The following TRPM2 variants were observed in gnomAD, a reference collection of about 807,000 sequenced individuals.
The protein encoded by TRPM2 is estrogen-responsive element-associated gene 1 protein.
Under a neutral mutation model 174.0 loss-of-function variants are expected in TRPM2, and 161 were observed. That is an observed-to-expected ratio of 0.93 (90% CI 0.81 to 1.05). TRPM2 has a LOEUF of 1.05. Among genes scored for constraint, TRPM2 ranks in the 50% least tolerant of loss-of-function variants. The pLI is 0.00. For synonymous variants in TRPM2, 954 were observed against 861.3 expected, an observed-to-expected ratio of 1.11 and a Z score of -1.88; for missense variants, 2,057 against 2,038.0, an observed-to-expected ratio of 1.01 and a Z score of -0.18.
chr21:44,426,585 C>G (rs2050787745), intron 25 of TRPM2, 75 bp from the exon 26 acceptor site: 1 of 1,481,928 alleles, frequency 6.7e-7, no homozygotes. Context: ...GCTGAGCAGC[C>G]CTTTCACCCT....
intron 9 of TRPM2, among the ~76,000 whole-genome samples, chr21:44,386,576 T>G (rs2049023347): frequency 1.3e-5 from 2 of 152,116 alleles, no homozygotes; most frequent in South Asian, 4.1e-4. Flanking sequence ...TGTAAAACAT[T>G]GCTGAAAGAA....
chr21:44,380,840 T>A (rs536873324), intron 8 of TRPM2, among the ~76,000 whole-genome samples: 1 of 152,328 alleles, frequency 6.6e-6, no homozygotes, highest in Admixed American at 6.5e-5. Context: ...GTAGGGGTAC[T>A]GAGTGCTCGA....
chr21:44,351,709 C>T (rs116478750), upstream of TRPM2, among the ~76,000 whole-genome samples: 358 of 152,320 alleles, frequency 2.4e-3, no homozygotes, highest in African/African-American at 8.4e-3. Context: ...CTGAGGCACC[C>T]GTCCTGTTGG....
chr21:44,396,616 C>A (rs1488608024), intron 12 of TRPM2, among the ~76,000 whole-genome samples: 1 of 14,410 alleles, frequency 6.9e-5, no homozygotes, highest in Non-Finnish European at 1.3e-4. Context: ...GTTGTGGAGG[C>A]TGTGGAGGGG....
At position 44,399,900 on chromosome 21, in the gene TRPM2, G is replaced by A. The variant is rs923776303; in HGVS notation, c.2209-359G>A. Among the ~76,000 whole-genome samples, 4 of 152,128 alleles carry A rather than the reference G, an allele frequency of 2.6e-5. No homozygotes were observed. The highest frequency in any genetic ancestry group is 1.9e-4 in the East Asian group (1 of 5,190). ...CTTGCACGCTGGGCTTCCTTGGAGC[G>A]CCGAGCTATTGCCAAGTCCATGAGC... On this transcript the variant is annotated intron_variant, in intron 14 of 31. Transcript: ENST00000397928. The surrounding 1 kb of genome is among the most constrained non-coding windows in gnomAD (Gnocchi z 4.6).
intron 19 of TRPM2, among the ~76,000 whole-genome samples, chr21:44,408,946 GCC>G: frequency 6.6e-6 from 1 of 152,162 alleles, no homozygotes; most frequent in South Asian, 2.1e-4. Flanking sequence ...ATAAGCCACT[GCC>G]CCCAGCCATC....
At position 44,424,872 on chromosome 21, in the gene TRPM2, C is replaced by T. The variant is rs1310715717; in HGVS notation, c.3570C>T (p.Ala1190=). 4 of 1,606,876 alleles carry T rather than the reference C, an allele frequency of 2.5e-6. No homozygotes were observed. The highest frequency in any genetic ancestry group is 1.8e-4 in the Middle Eastern group (1 of 5,436). Residue 1190 remains alanine, a synonymous_variant, in exon 24 of 32, where the codon GCC becomes GCT. Transcript: ENST00000397928. ...TCCAGGTGGCCCAGACAGCCCAAGCCCTGCACTGGATCGTGAGGACGCTGC... is the reference window on the plus strand; with the variant it reads ...TCCAGGTGGCCCAGACAGCCCAAGCTCTGCACTGGATCGTGAGGACGCTGC... The part of the protein sequence containing the change: ...LEEQVAQTAQ[A]LHWIVRTLRA...
intron 19 of TRPM2, 83 bp from the exon 20 acceptor site, chr21:44,413,808 A>G: frequency 6.7e-7 from 1 of 1,482,678 alleles, no homozygotes; most frequent in Admixed American, 1.9e-5. Flanking sequence ...CAGTGACTGG[A>G]GGCCTCGAGG....
At chr21:44,392,107 G>C (rs2049195777) in intron 11 of TRPM2, among the ~76,000 whole-genome samples, 1 of 151,876 alleles carries the variant, frequency 6.6e-6, no homozygotes, top group South Asian at 2.1e-4. Context: ...TGGGACTACA[G>C]GTATGCGCCA....
At position 44,424,806 on chromosome 21, in the gene TRPM2, C is replaced by T. The variant is rs757055828; in HGVS notation, c.3550-46C>T. 2.9e-5 allele frequency: 41 copies of T among 1,398,292 alleles called. 1 individual carries two copies. The highest frequency in any genetic ancestry group is 1.2e-4 in the South Asian group (9 of 75,684). 86.6% of individuals were successfully genotyped at this position (1,398,292 alleles called of 1,614,324 possible). ...GGTGGGCAGTGGGGTGTGTACCATG[C>T]GTGTGGGTGGCAGGTGCTCACTGTG... is the stretch of plus-strand genomic sequence containing the variant. On this transcript the variant is annotated intron_variant, in intron 23 of 31. Transcript: ENST00000397928.
Position 44,421,985 on chromosome 21 carries a change from G to A in TRPM2, c.3462-1660G>A, listed in dbSNP as rs144150203. Among the ~76,000 whole-genome samples the A allele has an allele frequency of 6.6e-5, 10 of 152,356 alleles. No homozygotes were observed. The East Asian group carries it at 1.3e-3, about 21-fold the overall frequency. On this transcript the variant is annotated intron_variant, in intron 22 of 31. Transcript: ENST00000397928. ...CTGCAGAACGTGTTTCCGCTGGGCC[G>A]CTGGCTGGTGTGCTGAGCTGTCACT...
intron 2 of TRPM2, among the ~76,000 whole-genome samples, chr21:44,363,679 G>C (rs985402071): frequency 3.9e-5 from 6 of 152,252 alleles, no homozygotes; most frequent in Admixed American, 2.6e-4. Context: ...GTGGCTGTTA[G>C]CTGTCTTTTT....
At position 44,369,342 on chromosome 21, in the gene TRPM2, C is replaced by G. The variant is rs775234243; in HGVS notation, c.770C>G (p.Thr257Arg). 6.2e-7 allele frequency: 1 copy of G among 1,608,922 alleles called. No homozygotes were observed. Among genetic ancestry groups the G allele is most frequent in the Non-Finnish European group, 8.5e-7 (1 of 1,176,854 alleles). ...CGCCGCGAGGGCCTGATCCATCCCA[C>G]GGTGAGTGCGGCCCCCTAGGGAGGG... ...VHRREGLIHPTGSFPAEYILD... is the reference protein window; with the variant it reads ...VHRREGLIHPRGSFPAEYILD... Residue 257 changes from threonine to arginine, a missense_variant and splice_region_variant, in exon 5 of 32, where the codon ACG (threonine) becomes AGG (arginine). By Grantham distance (71) the Thr-to-Arg change is moderately conservative (BLOSUM62 -1). Coordinates refer to ENST00000397928, the MANE Select transcript of TRPM2 (RefSeq NM_003307.4).
Position 44,366,671 on chromosome 21 carries a change from CCT to C in TRPM2, c.424-78_424-77del. 1 of 1,590,622 alleles carries C rather than the reference CCT, an allele frequency of 6.3e-7. No individual in the cohort carries two copies. ...GTGCGGTGTCTGCCGCCCGCTGGGGCCTCTCTGCATGGCCTGTGTGGGTCGGT... is the reference window on the plus strand; with the variant it reads ...GTGCGGTGTCTGCCGCCCGCTGGGGCCTCTGCATGGCCTGTGTGGGTCGGT... On this transcript the variant is annotated intron_variant, in intron 3 of 31. Transcript: ENST00000397928. The surrounding 1 kb of genome is among the most constrained non-coding windows in gnomAD (Gnocchi z 6.0).
chr21:44,375,301 G>A (rs940485510), intron 5 of TRPM2, among the ~76,000 whole-genome samples: 7 of 152,192 alleles, frequency 4.6e-5, no homozygotes, highest in Admixed American at 1.3e-4. Flanking sequence ...TCCTCCCGTC[G>A]TCTCCCCATT....
rs575768586 is a variant in TRPM2, at chr21:44,399,867, G to A, written c.2209-392G>A. 1.1e-3 allele frequency among the ~76,000 whole-genome samples: 173 copies of A among 152,280 alleles called. 1 individual carries two copies. In the South Asian group the frequency reaches 0.018, roughly 16 times the overall value. ...CCCCCGGCAGGGCCTGGCTCCCAGC[G>A]AGTGCCCCTTGCACGCTGGGCTTCC... On this transcript the variant is annotated intron_variant, in intron 14 of 31. Transcript: ENST00000397928. The surrounding 1 kb of genome is among the most constrained non-coding windows in gnomAD (Gnocchi z 4.6).
chr21:44,428,242 ACT>A (rs772613917), intron 27 of TRPM2, among the ~76,000 whole-genome samples: 3 of 152,144 alleles, frequency 2.0e-5, no homozygotes, highest in Non-Finnish European at 4.4e-5. Flanking sequence ...AGTTTTTTTC[ACT>A]GAGACTTTAA....
Position 44,354,845 on chromosome 21 carries a change from G to T in TRPM2, c.254+109G>T. 2.1e-6 allele frequency: 2 copies of T among 936,920 alleles called. No homozygotes were observed. Among genetic ancestry groups the T allele is most frequent in the Non-Finnish European group, 3.5e-6 (2 of 574,038 alleles). 58.0% of individuals were successfully genotyped at this position (936,920 alleles called of 1,614,324 possible). On this transcript the variant is annotated intron_variant, in intron 2 of 31. Transcript: ENST00000397928. The surrounding 1 kb of genome is among the most constrained non-coding windows in gnomAD (Gnocchi z 4.3). ...AGGGCCTCAGTGAAGGGTCACTGGA[G>T]ATACCTCTGTCTCCATACGAGGCTT... is the stretch of plus-strand genomic sequence containing the variant.
In TRPM2 at chr21:44,399,124, C is replaced by T. The variant is rs1398764242; in HGVS notation, c.2063-172C>T. ...CAGTTCCAGCCCTACGTGCCCTCTCCCTGGGGTCCTCGTCCCTGGGCCTGG... is the reference window on the plus strand; with the variant it reads ...CAGTTCCAGCCCTACGTGCCCTCTCTCTGGGGTCCTCGTCCCTGGGCCTGG... On this transcript the variant is annotated intron_variant, in intron 13 of 31. Transcript: ENST00000397928. This position sits in a 1 kb window ranked among gnomAD's most constrained non-coding sequence, Gnocchi z 4.6. Among the ~76,000 whole-genome samples, 5 of 152,078 alleles carry T rather than the reference C, an allele frequency of 3.3e-5. No homozygotes were observed. Among genetic ancestry groups the T allele is most frequent in the Non-Finnish European group, 5.9e-5 (4 of 68,012 alleles).
Sources: gnomAD v4.1 joint callset for allele counts (sites outside exome capture counted in the v4.1 genomes callset) on GRCh38, gnomAD v4.1.1 for gene constraint, Gnocchi (gnomAD v3.1) non-coding constraint, MANE v1.5 for transcripts, NCBI Gene and HGNC (gene_info 2026-07-23, HGNC 2026-07-21) for gene names.